The following TTC29 variants were observed in gnomAD, a reference collection of about 807,000 sequenced individuals.
The protein encoded by TTC29 is tetratricopeptide repeat protein 29.
TTC29 carries 49 observed loss-of-function variants against 58.1 expected under a neutral mutation model. That is an observed-to-expected ratio of 0.84 (90% CI 0.67 to 1.07). The LOEUF is 1.07. Ranked by LOEUF, TTC29 falls within the 50% of genes least tolerant of loss-of-function variation. TTC29 has a pLI of 0.00. For synonymous variants in TTC29, 209 were observed against 196.8 expected, an observed-to-expected ratio of 1.06 and a Z score of -0.52; for missense variants, 582 against 555.6, an observed-to-expected ratio of 1.05 and a Z score of -0.48.
In TTC29 at chr4:146,879,058, C is replaced by T. The variant is rs551302362; in HGVS notation, c.587-4130G>A. 2.0e-5 allele frequency among the ~76,000 whole-genome samples: 3 copies of T among 152,194 alleles called. No individual in the cohort carries two copies. The South Asian group carries it at 6.2e-4, about 32-fold the overall frequency. On this transcript the variant is annotated intron_variant, in intron 6 of 12. Transcript: ENST00000325106. ...TCCCTACTACACAGAAGCAGTTTTC[C>T]AGTCCTTCTCATATGTAGGGATTCA...
chr4:146,863,954 G>A (rs1398221732), intron 8 of TTC29, among the ~76,000 whole-genome samples: 2 of 152,078 alleles, frequency 1.3e-5, no homozygotes, highest in Admixed American at 6.6e-5. Context: ...TCAATCCACC[G>A]ATTCAAATGC....
At chr4:146,933,777 A>G (rs1352605823) in intron 4 of TTC29, among the ~76,000 whole-genome samples, 1 of 152,242 alleles carries the variant, frequency 6.6e-6, no homozygotes, top group East Asian at 1.9e-4. Context: ...CTGTGAAGGT[A>G]GATGATACAA....
At chr4:146,915,112 G>A (rs939434772) in intron 4 of TTC29, among the ~76,000 whole-genome samples, 3 of 152,078 alleles carry the variant, frequency 2.0e-5, no homozygotes, top group African/African-American at 7.2e-5. Context: ...CTTCAGTGAG[G>A]TTGTGAATTG....
intron 8 of TTC29, among the ~76,000 whole-genome samples, chr4:146,838,430 G>C (rs75351505): frequency 0.065 from 9,861 of 151,934 alleles, 419 homozygotes; most frequent in Admixed American, 0.13. Context: ...ATCTGTCTTA[G>C]AGAAAGTAGA....
chr4:146,808,294 G>T (rs1750760712), intron 10 of TTC29, among the ~76,000 whole-genome samples: 1 of 152,102 alleles, frequency 6.6e-6, no homozygotes, highest in Non-Finnish European at 1.5e-5. Flanking sequence ...TACTTAATGG[G>T]CACAAGCTGG....
chr4:146,793,757 G>A (rs1749639315), intron 11 of TTC29, among the ~76,000 whole-genome samples: 1 of 152,190 alleles, frequency 6.6e-6, no homozygotes, highest in African/African-American at 2.4e-5. Context: ...TATTTGTACT[G>A]AGAACTCTAT....
intron 11 of TTC29, among the ~76,000 whole-genome samples, chr4:146,789,058 T>C (rs181067696): frequency 3.4e-4 from 52 of 152,286 alleles, no homozygotes; most frequent in Non-Finnish European, 6.2e-4. Flanking sequence ...ATAATAATGT[T>C]CTGCAGTACT....
At chr4:146,711,536 T>C (rs536043346) in intron 11 of TTC29, among the ~76,000 whole-genome samples, 7 of 152,288 alleles carry the variant, frequency 4.6e-5, no homozygotes, top group African/African-American at 1.4e-4. Context: ...GACCTTATCA[T>C]AATGACTCAA....
chr4:146,880,030 T>G (rs1731521653), intron 6 of TTC29, among the ~76,000 whole-genome samples: 1 of 152,160 alleles, frequency 6.6e-6, no homozygotes, highest in Non-Finnish European at 1.5e-5. Context: ...CCTGCATGCA[T>G]GGCTCTATAC....
chr4:146,923,808 A>T (rs1431431664), intron 4 of TTC29, among the ~76,000 whole-genome samples: 1 of 151,914 alleles, frequency 6.6e-6, no homozygotes, highest in Non-Finnish European at 1.5e-5. Flanking sequence ...AAAACAGTGA[A>T]TATACAAGAA....
At chr4:146,784,422 T>C (rs1388933881) in intron 11 of TTC29, among the ~76,000 whole-genome samples, 1 of 152,094 alleles carries the variant, frequency 6.6e-6, no homozygotes, top group East Asian at 1.9e-4. Context: ...TGGTAGGTGC[T>C]ATGGTGTGAA....
chr4:146,741,621 A>G (rs1745157908), intron 11 of TTC29, among the ~76,000 whole-genome samples: 1 of 151,102 alleles, frequency 6.6e-6, no homozygotes, highest in East Asian at 2.0e-4. Flanking sequence ...GGTCTCTCTT[A>G]TCTCCAGTTC....
intron 6 of TTC29, among the ~76,000 whole-genome samples, chr4:146,900,976 T>A (rs1046256144): frequency 3.3e-5 from 5 of 152,230 alleles, no homozygotes; most frequent in African/African-American, 7.2e-5. Context: ...TTCATCAACA[T>A]AGCCCTGACT....
Position 146,804,127 on chromosome 4 carries a change from C to T in TTC29, c.1102-442G>A, listed in dbSNP as rs150740766. Reference sequence around the variant, plus strand: ...TGAAGCAGGGTGGGGCATTGCTTCACCTGGGAAGTGCAAGGGGTTGAGGAA... The same window carrying T: ...TGAAGCAGGGTGGGGCATTGCTTCATCTGGGAAGTGCAAGGGGTTGAGGAA... On this transcript the variant is annotated intron_variant, in intron 10 of 12. Coordinates refer to ENST00000325106, the MANE Select transcript of TTC29 (RefSeq NM_031956.4). Among the ~76,000 whole-genome samples, 590 of 152,186 alleles carry T rather than the reference C, an allele frequency of 3.9e-3. 5 individuals carry two copies. Among genetic ancestry groups the T allele is most frequent in the African/African-American group, 0.013 (559 of 41,532 alleles).
chr4:146,756,792 C>T (rs573542848), intron 11 of TTC29, among the ~76,000 whole-genome samples: 221 of 151,772 alleles, frequency 1.5e-3, no homozygotes, highest in Non-Finnish European at 2.6e-3. Flanking sequence ...CCAGCTCTGA[C>T]TTTCTTTCTT....
At chr4:146,896,439 T>C (rs1732774968) in intron 6 of TTC29, among the ~76,000 whole-genome samples, 1 of 152,210 alleles carries the variant, frequency 6.6e-6, no homozygotes, top group South Asian at 2.1e-4. Flanking sequence ...AGGTGATCTG[T>C]GTTTTCTCCT....
intron 4 of TTC29, among the ~76,000 whole-genome samples, chr4:146,928,501 T>TA (rs1481704062): frequency 1.3e-5 from 2 of 152,174 alleles, no homozygotes; most frequent in African/African-American, 4.8e-5. Flanking sequence ...CTGGAAACAG[T>TA]ATGCACAGGC....
At chr4:146,849,441 C>A (rs1002905292) in intron 8 of TTC29, among the ~76,000 whole-genome samples, 1 of 152,106 alleles carries the variant, frequency 6.6e-6, no homozygotes, top group African/African-American at 2.4e-5. Flanking sequence ...CAGCTCACTG[C>A]CTTCTGCCCC....
At chr4:146,932,403 A>C (rs2150320169) in intron 4 of TTC29, among the ~76,000 whole-genome samples, 1 of 152,356 alleles carries the variant, frequency 6.6e-6, no homozygotes, top group South Asian at 2.1e-4. Flanking sequence ...AAACTTTTTT[A>C]AGAGAAACCA....
Sources: allele counts gnomAD v4.1 joint callset (sites outside exome capture counted in the v4.1 genomes callset), GRCh38; gene constraint gnomAD v4.1.1; transcripts MANE v1.5; gene names NCBI Gene and HGNC (gene_info 2026-07-23, HGNC 2026-07-21).